Variants in CNIH4 observed in about 807,000 individuals in gnomAD.
CNIH4 encodes protein cornichon homolog 4.
A neutral mutation model predicts 21.5 loss-of-function variants in CNIH4; 9 were observed. That is an observed-to-expected ratio of 0.42 (90% CI 0.25 to 0.73). The LOEUF (loss-of-function observed/expected upper bound fraction) is 0.73. Among genes scored for constraint, CNIH4 ranks in the 30% least tolerant of loss-of-function variants. The pLI, the probability that CNIH4 is intolerant of heterozygous loss-of-function variation, is 0.27. For synonymous variants in CNIH4, 67 were observed against 59.1 expected (o/e 1.13, Z -0.61); for missense variants, 159 against 170.0 (o/e 0.94, Z 0.36).
At chr1:224,357,280 C>T (rs1672144316) in intron 1 of CNIH4, 2 of 329,030 alleles carry the variant, frequency 6.1e-6, no homozygotes, top group Non-Finnish European at 1.1e-5. Flanking sequence ...CCCGTCTCGG[C>T]CTGCCCGCCT....
At chr1:224,375,101 A>G (rs1672741772) in intron 4 of CNIH4, among the ~76,000 whole-genome samples, 1 of 152,220 alleles carries the variant, frequency 6.6e-6, no homozygotes, top group African/African-American at 2.4e-5. Flanking sequence ...TGTGTACAAC[A>G]TTGCAAGTGA....
Position 224,375,805 on chromosome 1 carries a change from G to A in CNIH4, c.403G>A (p.Ala135Thr), listed in dbSNP as rs775107519. Residue 135 changes from alanine (A) to threonine (T), a missense_variant, in exon 5 of 5, where the codon GCT (alanine) becomes ACT (threonine). Transcript: ENST00000465271. ...FFMYLYSMIL[A>T]LIND ...TTCTTCTTTCCACAGTATGATCTTA[G>A]CTTTGATAAATGACTGAAGCTGGAG... 92 of 1,613,946 alleles carry A rather than the reference G, an allele frequency of 5.7e-5. No homozygotes were observed. The highest frequency in any genetic ancestry group is 7.0e-5 in the Non-Finnish European group (83 of 1,180,000).
intron 2 of CNIH4, chr1:224,363,988 G>A (rs1672375459): frequency 1.1e-6 from 1 of 926,458 alleles, no homozygotes; most frequent in African/African-American, 1.8e-5. Context: ...AGTGTACTGA[G>A]AACAAATTCG....
chr1:224,359,443 A>G (rs1277667539), intron 1 of CNIH4, among the ~76,000 whole-genome samples: 1 of 152,232 alleles, frequency 6.6e-6, no homozygotes, highest in East Asian at 1.9e-4. Context: ...ATTATGATAT[A>G]TGAAACAGAA....
At chr1:224,361,966 G>C (rs1206251017) in intron 2 of CNIH4, among the ~76,000 whole-genome samples, 1 of 152,088 alleles carries the variant, frequency 6.6e-6, no homozygotes, top group East Asian at 1.9e-4. Context: ...CTTTACACTT[G>C]ATTCATAGTT....
At chr1:224,357,096 G>A (rs1041046204) in intron 1 of CNIH4, 103 bp downstream of exon 1, 2 of 1,303,070 alleles carry the variant, frequency 1.5e-6, no homozygotes, top group Non-Finnish European at 2.2e-6. Flanking sequence ...GGCGCCCGGC[G>A]GCGGGCGTGG....
chr1:224,363,445 A>G (rs1226979677), intron 2 of CNIH4, among the ~76,000 whole-genome samples: 3 of 152,196 alleles, frequency 2.0e-5, no homozygotes, highest in South Asian at 2.1e-4. Context: ...TTCTCTGCGA[A>G]TACTGATTAT....
At position 224,376,842 on chromosome 1, in the gene CNIH4, G is replaced by A. The variant is rs1321189884; in HGVS notation, c.*1020G>A. The A allele has an allele frequency of 1.0e-6, 1 of 985,306 alleles. No individual in the cohort carries two copies. The highest frequency in any genetic ancestry group is 1.7e-5 in the African/African-American group (1 of 57,224). 61.0% of individuals were successfully genotyped at this position (985,306 alleles called of 1,614,324 possible). A position where few individuals can be genotyped will look rare whatever the true frequency, so the allele number is the denominator to read the frequency against. ...GCAGTTCACCTCCTTAGCTCTGTTT[G>A]CCAGCTCTTACAGGGTAAAATAAAC... On this transcript the variant is annotated 3_prime_UTR_variant, in exon 5 of 5. Coordinates refer to ENST00000465271, the MANE Select transcript of CNIH4 (RefSeq NM_014184.4).
chr1:224,370,838 T>C (rs1179395111), intron 3 of CNIH4, among the ~76,000 whole-genome samples: 2 of 151,980 alleles, frequency 1.3e-5, no homozygotes, highest in African/African-American at 4.8e-5. Flanking sequence ...ACTCTGTACA[T>C]ATGTGGTATG....
At chr1:224,357,709 C>T (rs992016644) in intron 1 of CNIH4, 7 of 152,216 alleles carry the variant, frequency 4.6e-5, no homozygotes, top group Admixed American at 6.5e-5. Flanking sequence ...ATAACTACAT[C>T]TGCTGTAGTT....
chr1:224,366,152 C>T (rs1672447004), intron 3 of CNIH4, among the ~76,000 whole-genome samples, 161 bp downstream of exon 3: 1 of 151,662 alleles, frequency 6.6e-6, no homozygotes, highest in Non-Finnish European at 1.5e-5. Context: ...AGCGATTCTC[C>T]CACTTCAGCC....
rs189896588 is a variant in CNIH4 at position 224,360,581 on chromosome 1, T to A, written c.138+18T>A. The A allele has an allele frequency of 2.4e-4, 325 of 1,370,532 alleles. 2 individuals are homozygous for A. Among genetic ancestry groups the A allele is most frequent in the Non-Finnish European group, 1.9e-5 (19 of 1,019,496 alleles). 84.9% of individuals were successfully genotyped at this position (1,370,532 alleles called of 1,614,324 possible). A position where few individuals can be genotyped will look rare whatever the true frequency, so the allele number is the denominator to read the frequency against. On this transcript the variant is annotated intron_variant, in intron 2 of 4. Transcript: ENST00000465271. Reference sequence around the variant, plus strand: ...TAAACAAGGTAAGACATTTCTTTGCTCATTCTCTGGCATTGAAGCCAGGTC... The same window carrying A: ...TAAACAAGGTAAGACATTTCTTTGCACATTCTCTGGCATTGAAGCCAGGTC...
intron 3 of CNIH4, among the ~76,000 whole-genome samples, chr1:224,370,483 A>T (rs1264183526): frequency 6.6e-6 from 1 of 152,194 alleles, no homozygotes; most frequent in African/African-American, 2.4e-5. Context: ...AGGTTAGGAC[A>T]TATATGTTAC....
In CNIH4 at chr1:224,377,970, T is replaced by G. The variant is rs1279691475; in HGVS notation, c.*2148T>G. On this transcript the variant is annotated 3_prime_UTR_variant, in exon 5 of 5. Coordinates refer to ENST00000465271, the MANE Select transcript of CNIH4 (RefSeq NM_014184.4). ...TCAAAGCTCCTTACTTCTGAAACAT[T>G]AGCTGTGGTTAAAAACAAAAACTCT... 1 of 152,184 alleles carries G rather than the reference T, an allele frequency of 6.6e-6. No individual in the cohort carries two copies. The highest frequency in any genetic ancestry group is 1.5e-5 in the Non-Finnish European group (1 of 68,024). 9.4% of individuals were successfully genotyped at this position (152,184 alleles called of 1,614,324 possible). A position where few individuals can be genotyped will look rare whatever the true frequency, so the allele number is the denominator to read the frequency against.
intron 4 of CNIH4, among the ~76,000 whole-genome samples, chr1:224,372,259 T>C (rs1672653162): frequency 6.6e-6 from 1 of 152,252 alleles, no homozygotes; most frequent in South Asian, 2.1e-4. Context: ...ATAGTCCTGT[T>C]TTAAATTATT....
intron 3 of CNIH4, among the ~76,000 whole-genome samples, chr1:224,367,474 A>G (rs1342337202): frequency 6.6e-6 from 1 of 151,768 alleles, no homozygotes; most frequent in Non-Finnish European, 1.5e-5. Flanking sequence ...CCTGGGGTCG[A>G]ATTTTTTGTT....
chr1:224,368,522 C>T (rs1327703929), intron 3 of CNIH4, among the ~76,000 whole-genome samples: 1 of 152,148 alleles, frequency 6.6e-6, no homozygotes, highest in African/African-American at 2.4e-5. Context: ...GACCACTATA[C>T]TTTATGCTGT....
In CNIH4 at chr1:224,365,894, T is replaced by C; in HGVS notation, c.154T>C (p.Leu52=). The change falls in exon 3 of 5, where the codon TTG becomes CTG. Residue 52 remains leucine (L), a synonymous_variant. Transcript: ENST00000465271. ...TCCATTGCAGTGGGTAATTCCAGAA[T>C]TGATTGGCCATACCATTGTCACTGT... ...SKLNKWVIPE[L]IGHTIVTVLL... The C allele has an allele frequency of 2.5e-6, 4 of 1,606,660 alleles. No homozygotes were observed. The highest frequency in any genetic ancestry group is 3.4e-6 in the Non-Finnish European group (4 of 1,173,200).
At chr1:224,358,308 C>T (rs570591414) in intron 1 of CNIH4, among the ~76,000 whole-genome samples, 1 of 152,200 alleles carries the variant, frequency 6.6e-6, no homozygotes, top group Non-Finnish European at 1.5e-5. Flanking sequence ...GCTCTGCCTT[C>T]GTGTCCCCAC....
Sources: allele counts gnomAD v4.1 joint callset (sites outside exome capture counted in the v4.1 genomes callset), GRCh38; gene constraint gnomAD v4.1.1; transcripts MANE v1.5; gene names NCBI Gene and HGNC (gene_info 2026-07-23, HGNC 2026-07-21).